The following CNGA1 variants were observed in gnomAD, a reference collection of about 807,000 sequenced individuals.
The protein encoded by CNGA1 is cyclic nucleotide gated channel subunit alpha 1.
CNGA1 carries 53 observed loss-of-function variants against 69.7 expected under a neutral mutation model. The ratio of observed to expected loss-of-function variants is 0.76; its 90% CI spans 0.61 to 0.96. CNGA1 has a LOEUF of 0.96. Among genes scored for constraint, CNGA1 ranks in the 40% least tolerant of loss-of-function variants. The probability of loss-of-function intolerance (pLI) is 0.00; values close to 1 mark genes in which losing one functional copy is unlikely to be tolerated. For missense variants in CNGA1, 739 were observed against 811.2 expected, an observed-to-expected ratio of 0.91 and a Z score of 1.08; for synonymous variants, 249 against 283.5, an observed-to-expected ratio of 0.88 and a Z score of 1.22.
At chr4:47,985,784 A>G (rs1218399822) in intron 2 of CNGA1, among the ~76,000 whole-genome samples, 1 of 150,116 alleles carries the variant, frequency 6.7e-6, no homozygotes, top group Non-Finnish European at 1.5e-5. Flanking sequence ...AACCATATTT[A>G]AGAATGAACT....
chr4:48,011,134 T>C (rs906034834), intron 1 of CNGA1, among the ~76,000 whole-genome samples: 3 of 152,126 alleles, frequency 2.0e-5, no homozygotes, highest in Non-Finnish European at 4.4e-5. Context: ...TACTATCTGA[T>C]TGGTCGGGTG....
At chr4:47,976,199 G>GTA (rs367544700) in intron 3 of CNGA1, among the ~76,000 whole-genome samples, 2 of 15,112 alleles carry the variant, frequency 1.3e-4, no homozygotes, top group Non-Finnish European at 2.6e-4. Context: ...ACATATATAT[G>GTA]TATATATATA....
intron 2 of CNGA1, among the ~76,000 whole-genome samples, chr4:47,988,545 T>C (rs913720867): frequency 6.6e-6 from 1 of 151,982 alleles, no homozygotes; most frequent in Non-Finnish European, 1.5e-5. Context: ...AATAATGAAA[T>C]AAACAACACT....
chr4:47,955,101 T>G (rs1739986015), intron 3 of CNGA1, among the ~76,000 whole-genome samples: 1 of 152,044 alleles, frequency 6.6e-6, no homozygotes, highest in Non-Finnish European at 1.5e-5. Flanking sequence ...TGTACATGCC[T>G]CAGTGACTCA....
At chr4:47,992,657 A>ATTATTTATTTATTTATTTAT (rs144346141) in intron 2 of CNGA1, among the ~76,000 whole-genome samples, 2 of 145,256 alleles carry the variant, frequency 1.4e-5, no homozygotes, top group Admixed American at 7.0e-5. Context: ...GATGCCATTT[A>ATTATTTATTTATTTATTTAT]TTATTTATTT....
chr4:47,990,684 T>C (rs1401408545), intron 2 of CNGA1, among the ~76,000 whole-genome samples: 3 of 152,102 alleles, frequency 2.0e-5, no homozygotes, highest in African/African-American at 7.2e-5. Context: ...GGCGTCACCA[T>C]CATGGTCCTA....
chr4:47,971,487 T>G (rs1741034789), intron 3 of CNGA1, among the ~76,000 whole-genome samples: 1 of 152,180 alleles, frequency 6.6e-6, no homozygotes, highest in Non-Finnish European at 1.5e-5. Context: ...ATATGAATTA[T>G]ATCATTCATA....
chr4:47,982,844 G>A lies in CNGA1; in HGVS notation c.-122-1344C>T, dbSNP rs186023235. ...TTTTAAGATGGAGTCTCGCTCTTTC[G>A]CCCAGGCTGGAGTGCAGTGGTGCCA... On this transcript the variant is annotated intron_variant, in intron 2 of 10. Coordinates refer to ENST00000514170, the MANE Select transcript of CNGA1 (RefSeq NM_001379270.1). Among the ~76,000 whole-genome samples the A allele has an allele frequency of 2.6e-3, 389 of 151,772 alleles. 1 individual carries two copies. Among genetic ancestry groups the A allele is most frequent in the Non-Finnish European group, 3.8e-3 (257 of 67,958 alleles).
chr4:47,990,282 T>C (rs1677047990), intron 2 of CNGA1, among the ~76,000 whole-genome samples: 1 of 152,048 alleles, frequency 6.6e-6, no homozygotes, highest in African/African-American at 2.4e-5. Context: ...AATTCTTTTC[T>C]CAGCAAGGAA....
At position 47,937,154 on chromosome 4, in the gene CNGA1, G is replaced by GT. The variant is rs772867912; in HGVS notation, c.1327dup (p.Thr443AsnfsTer3). ...CTTTAAGACTTCTTTCTCATCAACT[G>GT]TTTTTTTGTTGGTCCACAGGTAGTC... On this transcript the variant is annotated frameshift_variant, in exon 11 of 11. Transcript: ENST00000514170. LOFTEE classifies it high-confidence loss of function. 2.7e-5 allele frequency: 43 copies of GT among 1,613,972 alleles called. No homozygotes were observed. In the African/African-American group the frequency reaches 4.5e-4, roughly 17 times the overall value.
intron 3 of CNGA1, among the ~76,000 whole-genome samples, chr4:47,970,162 T>C (rs1333425070): frequency 6.6e-6 from 1 of 152,112 alleles, no homozygotes; most frequent in East Asian, 1.9e-4. Flanking sequence ...AAACTGTTAA[T>C]ACCACTGGGA....
At chr4:47,942,012 C>CAA (rs10709670) in intron 9 of CNGA1, 29 bp downstream of exon 9, 4,423 of 1,160,054 alleles carry the variant, frequency 3.8e-3, no homozygotes, top group South Asian at 6.1e-3. Context: ...GTGAGATCCA[C>CAA]AAAAAAAAAA....
intron 3 of CNGA1, among the ~76,000 whole-genome samples, chr4:47,959,493 A>T (rs1740291843): frequency 6.6e-6 from 1 of 152,202 alleles, no homozygotes; most frequent in African/African-American, 2.4e-5. Flanking sequence ...TGGATCACAG[A>T]CCTAAACACA....
chr4:47,961,488 ATC>A (rs890197401), intron 3 of CNGA1, among the ~76,000 whole-genome samples: 31 of 152,342 alleles, frequency 2.0e-4, no homozygotes, highest in African/African-American at 7.2e-4. Flanking sequence ...CATGCCAGTA[ATC>A]TCAGCACTTT....
At chr4:47,946,867 C>T (rs578149602) in intron 6 of CNGA1, among the ~76,000 whole-genome samples, 1 of 152,256 alleles carries the variant, frequency 6.6e-6, no homozygotes, top group African/African-American at 2.4e-5. Context: ...TCACTGCAAC[C>T]TCTGCCTCCC....
At chr4:48,010,481 A>G (rs1715104681) in intron 2 of CNGA1, among the ~76,000 whole-genome samples, 1 of 152,118 alleles carries the variant, frequency 6.6e-6, no homozygotes, top group African/African-American at 2.4e-5. Context: ...TTGCTCACAG[A>G]GCTCCCAAGA....
At chr4:47,998,079 G>T (rs1714469755) in intron 2 of CNGA1, among the ~76,000 whole-genome samples, 1 of 152,176 alleles carries the variant, frequency 6.6e-6, no homozygotes, top group South Asian at 2.1e-4. Context: ...AACAACAGAA[G>T]TATGGCATTA....
intron 10 of CNGA1, among the ~76,000 whole-genome samples, chr4:47,938,480 G>A (rs373296154): frequency 3.3e-5 from 5 of 150,708 alleles, no homozygotes; most frequent in African/African-American, 9.8e-5. Flanking sequence ...TGCAACCTCC[G>A]CCTCTGGCTT....
chr4:47,977,964 T>C (rs1741503753), intron 3 of CNGA1, among the ~76,000 whole-genome samples: 1 of 152,066 alleles, frequency 6.6e-6, no homozygotes, highest in South Asian at 2.1e-4. Flanking sequence ...GTAGCTGGGA[T>C]TACAGGCATG....
Sources: allele counts gnomAD v4.1 joint callset (sites outside exome capture counted in the v4.1 genomes callset), GRCh38; gene constraint gnomAD v4.1.1; transcripts MANE v1.5; gene names NCBI Gene and HGNC (gene_info 2026-07-23, HGNC 2026-07-21).